PLEKHG4B: variants seen among roughly 807,000 people sequenced by gnomAD.
The protein encoded by PLEKHG4B is pleckstrin homology and RhoGEF domain containing G4B.
A neutral mutation model predicts 121.3 loss-of-function variants in PLEKHG4B; 111 were observed. That is an observed-to-expected ratio of 0.92 (90% CI 0.78 to 1.07). The LOEUF (loss-of-function observed/expected upper bound fraction) is 1.07, where lower values mean the gene tolerates loss of function less well. PLEKHG4B is among the 50% of genes least tolerant of loss of function. The probability of loss-of-function intolerance (pLI) is 0.00; values close to 1 mark genes in which losing one functional copy is unlikely to be tolerated. For missense variants in PLEKHG4B, 1,831 were observed against 1,757.8 expected (o/e 1.04, Z -0.74); for synonymous variants, 738 against 725.0 (o/e 1.02, Z -0.29).
chr5:110,466 C>T (rs1428295591), intron 1 of PLEKHG4B, among the ~76,000 whole-genome samples: 1 of 150,910 alleles, frequency 6.6e-6, no homozygotes, highest in Non-Finnish European at 1.5e-5. Context: ...CACGTGCACA[C>T]ATCCACACAA....
At position 157,843 on chromosome 5, in the gene PLEKHG4B, G is replaced by A. The variant is rs1387575558; in HGVS notation, c.2487+932G>A. Among the ~76,000 whole-genome samples, 1 of 152,194 alleles carries A rather than the reference G, an allele frequency of 6.6e-6. No homozygotes were observed. The highest frequency in any genetic ancestry group is 1.5e-5 in the Non-Finnish European group (1 of 68,018). ...AAAGAGCCAGCAGCATGGAGAGGCA[G>A]CAGTGGGGTGGAGGCATCCCCAGCC... On this transcript the variant is annotated intron_variant, in intron 11 of 19. Transcript: ENST00000637938. The surrounding 1 kb of genome is among the most constrained non-coding windows in gnomAD (Gnocchi z 4.6).
At position 161,141 on chromosome 5, in the gene PLEKHG4B, C is replaced by A. The variant is rs1014015058; in HGVS notation, c.2488-642C>A. On this transcript the variant is annotated intron_variant, in intron 11 of 19. Coordinates refer to ENST00000637938, the MANE Select transcript of PLEKHG4B (RefSeq NM_052909.5). ...CCTCTGACATTTCCACTGAATCCAG[C>A]AGTAAATGCCTCCAAAATAAGAACC... 2.0e-5 allele frequency among the ~76,000 whole-genome samples: 3 copies of A among 152,220 alleles called. 1 individual carries two copies. The South Asian group carries it at 6.2e-4, about 32-fold the overall frequency.
Position 182,233 on chromosome 5 carries a change from TGAGCCA to T in PLEKHG4B, c.4803_4808del (p.Pro1602_Glu1603del). On this transcript the variant is annotated inframe_deletion, in exon 20 of 20. Coordinates refer to ENST00000637938, the MANE Select transcript of PLEKHG4B (RefSeq NM_052909.5). ...ATATCAGAGCCTGCGTCGAGGAAGA[TGAGCCA>T]GAGCCAGAACTAGAGACGGGCACCC... The T allele has an allele frequency of 6.2e-7, 1 of 1,613,738 alleles. No individual in the cohort carries two copies. The highest frequency in any genetic ancestry group is 8.5e-7 in the Non-Finnish European group (1 of 1,180,036).
At chr5:99,510 G>A (rs901547870) in intron 1 of PLEKHG4B, among the ~76,000 whole-genome samples, 1 of 151,942 alleles carries the variant, frequency 6.6e-6, no homozygotes, top group African/African-American at 2.4e-5. Context: ...TATTGTGAAT[G>A]GAATCATTTT....
intron 11 of PLEKHG4B, among the ~76,000 whole-genome samples, chr5:160,263 C>T (rs1735949542): frequency 6.6e-6 from 1 of 152,264 alleles, no homozygotes; most frequent in Admixed American, 6.5e-5. Context: ...CCCTGGGCTC[C>T]TCCCCTCTCT....
At chr5:169,742 C>T in intron 14 of PLEKHG4B, 150 bp downstream of exon 14, 3 of 1,214,592 alleles carry the variant, frequency 2.5e-6, no homozygotes, top group South Asian at 1.5e-5. Context: ...TAAGACCAGC[C>T]GAAAAACAGA....
At position 151,544 on chromosome 5, in the gene PLEKHG4B, T is replaced by C; in HGVS notation, c.1937T>C (p.Leu646Ser). The part of the protein sequence containing the change: ...NNTSPIIHSI[L>S]LLVDKESAFR... ...ACATCTCCTATAATTCATAGTATCT[T>C]GCTGTTGGTAGATAAAGAATCTGCA... Residue 646 changes from leucine to serine, a missense_variant, in exon 7 of 20, where the codon TTG becomes TCG. Physicochemically the swap from Leu to Ser is moderately radical, Grantham distance 145. Coordinates refer to ENST00000637938, the MANE Select transcript of PLEKHG4B (RefSeq NM_052909.5). 6.3e-7 allele frequency: 1 copy of C among 1,586,980 alleles called. No homozygotes were observed. The highest frequency in any genetic ancestry group is 8.6e-7 in the Non-Finnish European group (1 of 1,156,326).
chr5:182,589 CA>C lies in PLEKHG4B; in HGVS notation c.*273del, dbSNP rs1560960478. ...CATAGGAAACAGACCTAAAACAAGA[CA>C]AAAAAAGACTAAACATGAAACAAAA... On this transcript the variant is annotated 3_prime_UTR_variant, in exon 20 of 20. Transcript: ENST00000637938. 2 of 445,424 alleles carry C rather than the reference CA, an allele frequency of 4.5e-6. No individual in the cohort carries two copies. The highest frequency in any genetic ancestry group is 3.3e-5 in the East Asian group (1 of 29,858). The allele number at this position is 445,424 out of a possible 1,614,324, so 27.6% of individuals were successfully genotyped here. A position where few individuals can be genotyped will look rare whatever the true frequency, so the allele number is the denominator to read the frequency against.
chr5:116,067 T>C (rs2126361196), intron 2 of PLEKHG4B, among the ~76,000 whole-genome samples: 1 of 152,350 alleles, frequency 6.6e-6, no homozygotes, highest in African/African-American at 2.4e-5. Flanking sequence ...CAAAGCTTAA[T>C]CATTTTTAGC....
intron 1 of PLEKHG4B, among the ~76,000 whole-genome samples, chr5:102,789 A>G (rs1350568841): frequency 6.6e-6 from 1 of 152,198 alleles, no homozygotes; most frequent in Non-Finnish European, 1.5e-5. Flanking sequence ...CACTAGCACT[A>G]ACACTCCACC....
intron 1 of PLEKHG4B, among the ~76,000 whole-genome samples, chr5:109,718 G>A (rs867222285): frequency 6.6e-6 from 1 of 152,234 alleles, no homozygotes; most frequent in Non-Finnish European, 1.5e-5. Flanking sequence ...TCATTGAAGA[G>A]TGAAGCTTTA....
In PLEKHG4B at chr5:162,965, C is replaced by A. The variant is rs1437220998; in HGVS notation, c.2893C>A (p.Pro965Thr). Residue 965 changes from proline to threonine, a missense_variant, in exon 13 of 20, where the codon CCC becomes ACC. Pro to Thr is a conservative substitution (Grantham distance 38). Coordinates refer to ENST00000637938, the MANE Select transcript of PLEKHG4B (RefSeq NM_052909.5). ...EEALSEAAPDPSLPPLAQSPP... is the reference protein window; with the variant it reads ...EEALSEAAPDTSLPPLAQSPP... ...GGCCCTTTCTGAGGCTGCCCCAGAC[C>A]CCAGCTTACCGCCCCTTGCCCAGAG... The A allele has an allele frequency of 2.6e-6, 4 of 1,563,608 alleles. No individual in the cohort carries two copies. Among genetic ancestry groups the A allele is most frequent in the Admixed American group, 3.7e-5 (2 of 53,454 alleles).
In PLEKHG4B at chr5:157,913, C is replaced by T. The variant is rs982707094; in HGVS notation, c.2487+1002C>T. On this transcript the variant is annotated intron_variant, in intron 11 of 19. Transcript: ENST00000637938. This position sits in a 1 kb window ranked among gnomAD's most constrained non-coding sequence, Gnocchi z 4.6. ...CTCCCCCGGCCTTCAGGTCCATGCGCGTGCCCTCACGGGGGCCTCCAGACA... is the reference window on the plus strand; with the variant it reads ...CTCCCCCGGCCTTCAGGTCCATGCGTGTGCCCTCACGGGGGCCTCCAGACA... Among the ~76,000 whole-genome samples the T allele has an allele frequency of 6.6e-6, 1 of 152,184 alleles. No individual in the cohort carries two copies. The highest frequency in any genetic ancestry group is 2.4e-5 in the African/African-American group (1 of 41,440).
At position 184,011 on chromosome 5, in the gene PLEKHG4B, A is replaced by AGATAGAT. The variant is rs1553992914; in HGVS notation, c.*1689_*1695dup. 4 of 148,908 alleles carry AGATAGAT rather than the reference A, an allele frequency of 2.7e-5. No homozygotes were observed. Among genetic ancestry groups the AGATAGAT allele is most frequent in the African/African-American group, 1.0e-4 (4 of 38,702 alleles). The allele number at this position is 148,908 out of a possible 1,614,324, so 9.2% of individuals were successfully genotyped here. ...TAGATCGATAGATAGATAGATAGAT[A>AGATAGAT]GATAGATAGATAGATAGACTGACAG... On this transcript the variant is annotated 3_prime_UTR_variant, in exon 20 of 20. Coordinates refer to ENST00000637938, the MANE Select transcript of PLEKHG4B (RefSeq NM_052909.5).
At chr5:142,392 CACA>C (rs535740188) in intron 3 of PLEKHG4B, among the ~76,000 whole-genome samples, 13 of 151,706 alleles carry the variant, frequency 8.6e-5, no homozygotes, top group South Asian at 4.2e-4. Flanking sequence ...CACAGAATCA[CACA>C]ACACACACAG....
intron 11 of PLEKHG4B, among the ~76,000 whole-genome samples, chr5:160,522 C>T (rs919615301): frequency 1.3e-5 from 2 of 152,118 alleles, no homozygotes; most frequent in South Asian, 2.1e-4. Context: ...TCTCTTCACA[C>T]GTTTATTATT....
At chr5:98,033 A>G (rs1469841578) in intron 1 of PLEKHG4B, among the ~76,000 whole-genome samples, 7 of 152,060 alleles carry the variant, frequency 4.6e-5, no homozygotes, top group Admixed American at 1.3e-4. Context: ...CATTATATCT[A>G]TATATCTTTT....
At position 187,830 on chromosome 5, in the gene PLEKHG4B, A is replaced by T. The variant is rs1039886970; in HGVS notation, c.*5507A>T. 1 of 152,242 alleles carries T rather than the reference A, an allele frequency of 6.6e-6. No individual in the cohort carries two copies. The highest frequency in any genetic ancestry group is 2.4e-5 in the African/African-American group (1 of 41,432). 9.4% of individuals were successfully genotyped at this position (152,242 alleles called of 1,614,324 possible). The stretch of plus-strand genomic sequence containing the variant: ...TCAAGCCTCAACATCCTGGTAACCA[A>T]GTGCACCCAGAGGGCTGGCAGGGTC... On this transcript the variant is annotated 3_prime_UTR_variant, in exon 20 of 20. Coordinates refer to ENST00000637938, the MANE Select transcript of PLEKHG4B (RefSeq NM_052909.5).
intron 2 of PLEKHG4B, among the ~76,000 whole-genome samples, chr5:124,559 G>C (rs1446023305): frequency 2.0e-5 from 3 of 152,222 alleles, no homozygotes; most frequent in African/African-American, 7.2e-5. Flanking sequence ...CATACATTTT[G>C]ATGGTCTGTC....
Sources: gnomAD v4.1 joint callset for allele counts (sites outside exome capture counted in the v4.1 genomes callset) on GRCh38, gnomAD v4.1.1 for gene constraint, Gnocchi (gnomAD v3.1) non-coding constraint, MANE v1.5 for transcripts, NCBI Gene and HGNC (gene_info 2026-07-23, HGNC 2026-07-21) for gene names.